SMAP1: variants seen among roughly 807,000 people sequenced by gnomAD.
SMAP1 encodes the protein stromal membrane-associated protein 1.
A neutral mutation model predicts 58.5 loss-of-function variants in SMAP1; 24 were observed. That is an observed-to-expected ratio of 0.41 (90% CI 0.30 to 0.58). SMAP1 has a LOEUF of 0.58. SMAP1 is among the 20% of genes least tolerant of loss of function. The probability of loss-of-function intolerance (pLI) is 0.29; values close to 1 mark genes in which losing one functional copy is unlikely to be tolerated. For missense variants in SMAP1, 563 were observed against 566.3 expected, an observed-to-expected ratio of 0.99 and a Z score of 0.06; for synonymous variants, 216 against 196.6, an observed-to-expected ratio of 1.10 and a Z score of -0.82.
intron 7 of SMAP1, among the ~76,000 whole-genome samples, chr6:70,845,100 G>C (rs1229644604): frequency 1.3e-5 from 2 of 152,180 alleles, no homozygotes; most frequent in African/African-American, 4.8e-5. Context: ...AAATGGTAAT[G>C]AAAAACAGCC....
In SMAP1 at chr6:70,849,745, A is replaced by G. The variant is rs1385002039; in HGVS notation, c.665-2795A>G. Among the ~76,000 whole-genome samples the G allele has an allele frequency of 2.0e-5, 3 of 152,322 alleles. No homozygotes were observed. The East Asian group carries it at 5.8e-4, about 29-fold the overall frequency. ...AAACTTGTGGTAAAACACACATAAAATTTACCATTTTAAATATTTTACAAT... is the reference window on the plus strand; with the variant it reads ...AAACTTGTGGTAAAACACACATAAAGTTTACCATTTTAAATATTTTACAAT... On this transcript the variant is annotated intron_variant, in intron 7 of 10. Transcript: ENST00000370455.
intron 1 of SMAP1, 75 bp downstream of exon 1, chr6:70,668,216 G>C: frequency 7.5e-7 from 1 of 1,336,590 alleles, no homozygotes; most frequent in African/African-American, 1.5e-5. Context: ...GCGGCGCTCG[G>C]GGCCCGAGCG....
intron 1 of SMAP1, among the ~76,000 whole-genome samples, chr6:70,727,643 T>C (rs1250144019): frequency 6.6e-6 from 1 of 152,254 alleles, no homozygotes; most frequent in African/African-American, 2.4e-5. Context: ...AAATTGGATC[T>C]AGAAAACTCA....
chr6:70,770,041 G>T lies in SMAP1; in HGVS notation c.339-3309G>T, dbSNP rs192560563. 5.9e-4 allele frequency among the ~76,000 whole-genome samples: 90 copies of T among 151,620 alleles called. 1 individual carries two copies. Among genetic ancestry groups the T allele is most frequent in the African/African-American group, 2.1e-3 (88 of 40,942 alleles). On this transcript the variant is annotated intron_variant, in intron 3 of 10. Coordinates refer to ENST00000370455, the MANE Select transcript of SMAP1 (RefSeq NM_001044305.3). The stretch of plus-strand genomic sequence containing the variant: ...TAGTTTGGCTGGATATGAAATTCTG[G>T]CTTGAAAATTCTTTTAAGAATGTTG...
At chr6:70,680,649 A>G (rs558069574) in intron 1 of SMAP1, among the ~76,000 whole-genome samples, 32 of 151,020 alleles carry the variant, frequency 2.1e-4, no homozygotes, top group Non-Finnish European at 3.2e-4. Context: ...AAAACATTAT[A>G]TTTACAAAAG....
intron 7 of SMAP1, 138 bp downstream of exon 7, chr6:70,837,166 G>T (rs1713743955): frequency 9.2e-6 from 5 of 546,030 alleles, no homozygotes; most frequent in Non-Finnish European, 1.2e-5. Flanking sequence ...TGATTAGTTT[G>T]CTAACTTCCC....
intron 6 of SMAP1, among the ~76,000 whole-genome samples, chr6:70,818,436 A>G (rs972165131): frequency 3.9e-5 from 6 of 152,146 alleles, no homozygotes; most frequent in African/African-American, 1.4e-4. Flanking sequence ...TGGGGTTTTC[A>G]TATTATGCTA....
At chr6:70,688,468 CTG>C (rs1326740977) in intron 1 of SMAP1, among the ~76,000 whole-genome samples, 4 of 152,104 alleles carry the variant, frequency 2.6e-5, no homozygotes, top group African/African-American at 9.7e-5. Flanking sequence ...GGTGTTGTGA[CTG>C]TTTTTTATTT....
rs143171392 is a variant in SMAP1, at chr6:70,730,544, A to G, written c.119-1834A>G. 4.2e-4 allele frequency among the ~76,000 whole-genome samples: 64 copies of G among 152,378 alleles called. 2 individuals are homozygous for G. In the East Asian group the frequency reaches 0.012, roughly 29 times the overall value. Reference sequence around the variant, plus strand: ...GTAACTGGGGGAGGCAGCTCTATCTAGAGTTGTCACAGATGTCCCAGATGT... The same window carrying G: ...GTAACTGGGGGAGGCAGCTCTATCTGGAGTTGTCACAGATGTCCCAGATGT... On this transcript the variant is annotated intron_variant, in intron 1 of 10. Coordinates refer to ENST00000370455, the MANE Select transcript of SMAP1 (RefSeq NM_001044305.3).
chr6:70,836,355 G>A (rs1331453644), intron 6 of SMAP1, among the ~76,000 whole-genome samples: 1 of 152,060 alleles, frequency 6.6e-6, no homozygotes, highest in Non-Finnish European at 1.5e-5. Context: ...CAACAGCACA[G>A]GAAAGACCCG....
At chr6:70,844,013 TAGAGAGAAAG>T (rs1240027749) in intron 7 of SMAP1, among the ~76,000 whole-genome samples, 1 of 152,016 alleles carries the variant, frequency 6.6e-6, no homozygotes, top group African/African-American at 2.4e-5. Flanking sequence ...CCACTACCAT[TAGAGAGAAAG>T]AGGGAGATAG....
chr6:70,739,575 G>T (rs895847636), intron 2 of SMAP1, among the ~76,000 whole-genome samples: 4 of 151,956 alleles, frequency 2.6e-5, no homozygotes, highest in Admixed American at 6.6e-5. Context: ...CCTACATATG[G>T]TATGCTTCTT....
intron 4 of SMAP1, among the ~76,000 whole-genome samples, chr6:70,791,182 CT>C (rs1223771823): frequency 6.6e-6 from 1 of 152,080 alleles, no homozygotes; most frequent in African/African-American, 2.4e-5. Flanking sequence ...TTTCTCCTAG[CT>C]TTTTTTCTGT....
At chr6:70,722,349 G>A (rs983206574) in intron 1 of SMAP1, among the ~76,000 whole-genome samples, 8 of 152,174 alleles carry the variant, frequency 5.3e-5, no homozygotes, top group Non-Finnish European at 7.3e-5. Flanking sequence ...AAACAGTAGC[G>A]CATGCCCAGA....
intron 10 of SMAP1, chr6:70,859,933 C>T (rs933184724): frequency 3.7e-5 from 12 of 321,168 alleles, no homozygotes; most frequent in Non-Finnish European, 4.5e-5. Flanking sequence ...GTTAGAGTAG[C>T]GGACTCATTA....
intron 6 of SMAP1, among the ~76,000 whole-genome samples, chr6:70,801,591 T>G (rs1348415552): frequency 6.6e-6 from 1 of 152,200 alleles, no homozygotes; most frequent in African/African-American, 2.4e-5. Context: ...TCCTTGCCCA[T>G]GCCTGTGTCC....
chr6:70,671,334 T>A (rs1766256416), intron 1 of SMAP1, among the ~76,000 whole-genome samples: 1 of 152,180 alleles, frequency 6.6e-6, no homozygotes, highest in Admixed American at 6.5e-5. Context: ...CCATGCTTGT[T>A]AATGTATATT....
At chr6:70,796,555 T>C (rs1768614129) in intron 5 of SMAP1, among the ~76,000 whole-genome samples, 4 of 152,366 alleles carry the variant, frequency 2.6e-5, no homozygotes, top group Admixed American at 2.6e-4. Flanking sequence ...ATGAAGGTTT[T>C]GATTTGGGAA....
At position 70,705,765 on chromosome 6, in the gene SMAP1, G is replaced by A. The variant is rs191637023; in HGVS notation, c.119-26613G>A. On this transcript the variant is annotated intron_variant, in intron 1 of 10. Transcript: ENST00000370455. ...TGTGCCAGGTACTTATGTATTTCACGCCCTTTAATTTCAAAGGCCCCAACC... is the reference window on the plus strand; with the variant it reads ...TGTGCCAGGTACTTATGTATTTCACACCCTTTAATTTCAAAGGCCCCAACC... Among the ~76,000 whole-genome samples, 7 of 152,186 alleles carry A rather than the reference G, an allele frequency of 4.6e-5. No individual in the cohort carries two copies. In the South Asian group the frequency reaches 1.0e-3, roughly 23 times the overall value.
Sources: allele counts gnomAD v4.1 joint callset (sites outside exome capture counted in the v4.1 genomes callset), GRCh38; gene constraint gnomAD v4.1.1; transcripts MANE v1.5; gene names NCBI Gene and HGNC (gene_info 2026-07-23, HGNC 2026-07-21).